CA5A: variants seen among roughly 807,000 people sequenced by gnomAD.
CA5A encodes the protein carbonic anhydrase 5A, mitochondrial.
CA5A carries 28 observed loss-of-function variants against 37.1 expected under a neutral mutation model. That is an observed-to-expected ratio of 0.75 (90% CI 0.56 to 1.03). CA5A has a LOEUF of 1.03. Ranked by LOEUF, CA5A falls within the 50% of genes least tolerant of loss-of-function variation. The probability of loss-of-function intolerance (pLI) is 0.00; values close to 1 mark genes in which losing one functional copy is unlikely to be tolerated. For missense variants in CA5A, 444 were observed against 399.9 expected (o/e 1.11, Z -0.94); for synonymous variants, 171 against 158.4 (o/e 1.08, Z -0.60).
At position 87,904,904 on chromosome 16, in the gene CA5A, C is replaced by A; in HGVS notation, c.341G>T (p.Gly114Val). 3 of 1,597,978 alleles carry A rather than the reference C, an allele frequency of 1.9e-6. No homozygotes were observed. Among genetic ancestry groups the A allele is most frequent in the South Asian group, 1.1e-5 (1 of 90,736 alleles). The change falls in exon 3 of 7, where the codon GGA (glycine) becomes GTA (valine). Residue 114 changes from glycine to valine, a missense_variant and splice_region_variant. Coordinates refer to ENST00000649794, the MANE Select transcript of CA5A (RefSeq NM_001739.2). Reference sequence around the variant, plus strand: ...GTTTTCCAAGGGCCCACCACTAATTCCTGGAAATAAAGGCAGTGAGACGTG... The same window carrying A: ...GTTTTCCAAGGGCCCACCACTAATTACTGGAAATAAAGGCAGTGAGACGTG... Reference protein sequence around the residue: ...VEFDDATEASGISGGPLENHY... With the variant: ...VEFDDATEASVISGGPLENHY...
chr16:87,918,540 G>A (rs550024573), intron 2 of CA5A, among the ~76,000 whole-genome samples: 1 of 152,334 alleles, frequency 6.6e-6, no homozygotes, highest in African/African-American at 2.4e-5. Flanking sequence ...GAAAACTGCT[G>A]GCAGTGTCCA....
chr16:87,927,006 G>T, intron 1 of CA5A, 61 bp from the exon 2 acceptor site: 1 of 1,193,654 alleles, frequency 8.4e-7, no homozygotes, highest in Non-Finnish European at 1.2e-6. Flanking sequence ...GTCTTGGACG[G>T]ACAGGGCAGA....
intron 4 of CA5A, 146 bp downstream of exon 4, chr16:87,902,279 A>T: frequency 1.6e-6 from 1 of 635,352 alleles, no homozygotes; most frequent in South Asian, 1.9e-5. Flanking sequence ...ACTTGAACCC[A>T]GGAGGTGCAG....
intron 5 of CA5A, among the ~76,000 whole-genome samples, chr16:87,895,147 G>C (rs1229728161): frequency 6.6e-6 from 1 of 152,214 alleles, no homozygotes; most frequent in African/African-American, 2.4e-5. Flanking sequence ...GTAGTTGGGA[G>C]GCTGAGGTGG....
chr16:87,893,555 G>A (rs1303385247), intron 5 of CA5A: 2 of 607,172 alleles, frequency 3.3e-6, no homozygotes, highest in Admixed American at 1.9e-5. Context: ...GGCAGGCCTC[G>A]GCCTAAAGGT....
rs1312492152 is a variant in CA5A, at chr16:87,911,588, C to T, written c.341-6684G>A. 3.3e-5 allele frequency among the ~76,000 whole-genome samples: 5 copies of T among 150,840 alleles called. No homozygotes were observed. The highest frequency in any genetic ancestry group is 6.6e-5 in the Admixed American group (1 of 15,126). ...CGGTGCCACTCTGGGAGGTAGTGCA[C>T]GTTCCCAAGCTGTAAAGGGTGACAC... On this transcript the variant is annotated intron_variant, in intron 2 of 6. Coordinates refer to ENST00000649794, the MANE Select transcript of CA5A (RefSeq NM_001739.2). The surrounding 1 kb of genome is among the most constrained non-coding windows in gnomAD (Gnocchi z 4.6).
chr16:87,894,534 C>G (rs1391368308), intron 5 of CA5A, among the ~76,000 whole-genome samples: 1 of 151,364 alleles, frequency 6.6e-6, no homozygotes, highest in South Asian at 2.1e-4. Flanking sequence ...TGCATCAGTT[C>G]TATGCACGCA....
At chr16:87,886,976 C>A (rs2055653495), downstream of CA5A, 3 of 152,200 alleles carry the variant, frequency 2.0e-5, no homozygotes, top group African/African-American at 7.2e-5. Flanking sequence ...GATCTCGGCT[C>A]ACTGCAAGCT....
intron 5 of CA5A, among the ~76,000 whole-genome samples, 200 bp downstream of exon 5, chr16:87,901,712 C>T (rs1488276911): frequency 1.3e-5 from 2 of 151,944 alleles, no homozygotes; most frequent in African/African-American, 2.4e-5. Flanking sequence ...CTCAGCCTCC[C>T]GAGTAGCTGG....
intron 2 of CA5A, among the ~76,000 whole-genome samples, chr16:87,913,370 A>G (rs1236077533): frequency 1.4e-5 from 2 of 144,158 alleles, no homozygotes. Context: ...TGGTGTGATC[A>G]TGCCTCACTG....
At chr16:87,922,997 C>G (rs147143821) in intron 2 of CA5A, among the ~76,000 whole-genome samples, 2 of 152,190 alleles carry the variant, frequency 1.3e-5, no homozygotes, top group Admixed American at 6.5e-5. Flanking sequence ...CAAGTGAAGC[C>G]CTTGGTGAGG....
At chr16:87,893,091 G>C in intron 5 of CA5A, 1 of 719,924 alleles carries the variant, frequency 1.4e-6, no homozygotes, top group South Asian at 2.3e-5. Flanking sequence ...CTGCCTGAAG[G>C]AACAGTTTGC....
intron 2 of CA5A, among the ~76,000 whole-genome samples, chr16:87,919,902 G>A (rs943815735): frequency 6.6e-6 from 1 of 152,094 alleles, no homozygotes; most frequent in African/African-American, 2.4e-5. Context: ...ACTTGAACTC[G>A]GCCGTGCAGG....
chr16:87,933,854 T>C (rs2056438090), intron 1 of CA5A, among the ~76,000 whole-genome samples: 1 of 152,214 alleles, frequency 6.6e-6, no homozygotes, highest in Admixed American at 6.6e-5. Context: ...CTTATGATGT[T>C]CCAATCTTCT....
chr16:87,900,189 G>C (rs796407314), intron 5 of CA5A, among the ~76,000 whole-genome samples: 3 of 152,292 alleles, frequency 2.0e-5, no homozygotes, highest in African/African-American at 7.2e-5. Flanking sequence ...CCCACCAAGA[G>C]GTGGGACCAC....
chr16:87,932,257 A>C (rs2056417797), intron 1 of CA5A, among the ~76,000 whole-genome samples: 1 of 152,168 alleles, frequency 6.6e-6, no homozygotes, highest in African/African-American at 2.4e-5. Context: ...ATGGCTACAC[A>C]GACCTGAATG....
At chr16:87,884,638 G>A (rs1296581600), downstream of CA5A, 1 of 152,290 alleles carries the variant, frequency 6.6e-6, no homozygotes, top group Non-Finnish European at 1.5e-5. Flanking sequence ...GGAGGCTGAG[G>A]CAGGAGAATT....
intron 1 of CA5A, among the ~76,000 whole-genome samples, chr16:87,930,421 G>A (rs575732275): frequency 2.0e-5 from 3 of 152,286 alleles, no homozygotes; most frequent in African/African-American, 7.2e-5. Flanking sequence ...TCTCCAGAGT[G>A]TTCCTCTGTT....
chr16:87,913,999 C>G (rs1025124403), intron 2 of CA5A, among the ~76,000 whole-genome samples: 3 of 152,222 alleles, frequency 2.0e-5, no homozygotes, highest in Non-Finnish European at 4.4e-5. Context: ...TGCTTGACGT[C>G]GCTTATTTCC....
Sources: allele counts gnomAD v4.1 joint callset (sites outside exome capture counted in the v4.1 genomes callset), GRCh38; gene constraint gnomAD v4.1.1; non-coding constraint Gnocchi (gnomAD v3.1); transcripts MANE v1.5; gene names NCBI Gene and HGNC (gene_info 2026-07-23, HGNC 2026-07-21).